The following NINL variants were observed in gnomAD, a reference collection of about 807,000 sequenced individuals.
NINL encodes ninein like.
A neutral mutation model predicts 160.3 loss-of-function variants in NINL; 153 were observed. The ratio of observed to expected loss-of-function variants is 0.95; its 90% CI spans 0.84 to 1.09. NINL has a LOEUF of 1.09. Among genes scored for constraint, NINL ranks in the 50% least tolerant of loss-of-function variants. The pLI is 0.00. For missense variants in NINL, 1,829 were observed against 1,764.0 expected, an observed-to-expected ratio of 1.04 and a Z score of -0.66; for synonymous variants, 800 against 734.8, an observed-to-expected ratio of 1.09 and a Z score of -1.43.
chr20:25,474,058 G>A lies in NINL; in HGVS notation c.3248+1985C>T, dbSNP rs189376881. Among the ~76,000 whole-genome samples, 220 of 152,316 alleles carry A rather than the reference G, an allele frequency of 1.4e-3. 2 individuals are homozygous for A. The highest frequency in any genetic ancestry group is 2.2e-3 in the Non-Finnish European group (148 of 68,026). On this transcript the variant is annotated intron_variant, in intron 17 of 23. Transcript: ENST00000278886. ...ACAGCAGGGGGAATGAAGGCTGCTC[G>A]TTCTCTGACTGTAGATTATTCTGGA...
intron 6 of NINL, 145 bp from the exon 7 acceptor site, chr20:25,504,249 G>A: frequency 1.2e-6 from 1 of 806,112 alleles, no homozygotes; most frequent in South Asian, 2.0e-5. Flanking sequence ...AAACTGTGTA[G>A]ACCATGCGGG....
intron 18 of NINL, among the ~76,000 whole-genome samples, chr20:25,467,783 G>T (rs2062955682): frequency 6.6e-6 from 1 of 152,160 alleles, no homozygotes; most frequent in Admixed American, 6.5e-5. Flanking sequence ...TCAAATACAT[G>T]AATATTTCTT....
At chr20:25,517,297 G>A (rs929755344) in intron 3 of NINL, among the ~76,000 whole-genome samples, 2 of 151,926 alleles carry the variant, frequency 1.3e-5, no homozygotes, top group African/African-American at 4.8e-5. Flanking sequence ...CCTGACACGG[G>A]GCCATCTGCA....
rs1383772760 is a variant in NINL at position 25,512,857 on chromosome 20, A to G, written c.427T>C (p.Ser143Pro). The change falls in exon 4 of 24, where the codon TCA becomes CCA. Residue 143 changes from serine to proline, a missense_variant. By Grantham distance (74) the Ser-to-Pro change is moderately conservative. Transcript: ENST00000278886. ...ACCTCCACGCTCTCCAGAGACGCTG[A>G]GCGCCAGAGGTGACTTTTCAGGCTG... Reference protein sequence around the residue: ...QASLKSHLWRSASLESVESPK... With the variant: ...QASLKSHLWRPASLESVESPK... 5 of 1,613,744 alleles carry G rather than the reference A, an allele frequency of 3.1e-6. No individual in the cohort carries two copies. The highest frequency in any genetic ancestry group is 4.2e-6 in the Non-Finnish European group (5 of 1,179,792).
chr20:25,477,557 C>A (rs991636941), intron 16 of NINL, among the ~76,000 whole-genome samples: 1 of 152,218 alleles, frequency 6.6e-6, no homozygotes, highest in African/African-American at 2.4e-5. Context: ...TCTGGTGGCC[C>A]GCAGGAGAGT....
intron 2 of NINL, among the ~76,000 whole-genome samples, chr20:25,520,467 T>C (rs889455945): frequency 2.0e-5 from 3 of 152,212 alleles, no homozygotes; most frequent in Non-Finnish European, 2.9e-5. Context: ...TATTACTATC[T>C]GACATTAAAT....
intron 11 of NINL, 110 bp downstream of exon 11, chr20:25,491,241 G>A: frequency 3.1e-5 from 42 of 1,337,906 alleles, no homozygotes; most frequent in Non-Finnish European, 4.3e-5. Context: ...TGAAACATAA[G>A]CTTGAGGGCA....
At chr20:25,480,335 A>C (rs2063361590) in intron 14 of NINL, 68 bp from the exon 15 acceptor site, 1 of 1,248,820 alleles carries the variant, frequency 8.0e-7, no homozygotes, top group Admixed American at 1.8e-5. Context: ...CAAACCTTCC[A>C]ATCTGATATT....
At chr20:25,529,540 G>A (rs1188722090) in intron 1 of NINL, among the ~76,000 whole-genome samples, 1 of 152,204 alleles carries the variant, frequency 6.6e-6, no homozygotes, top group Non-Finnish European at 1.5e-5. Context: ...ACAGGGCGAA[G>A]ACGAGTGAAC....
chr20:25,491,337 G>A lies in NINL; in HGVS notation c.1485+14C>T, dbSNP rs2063628493. 6 of 1,596,992 alleles carry A rather than the reference G, an allele frequency of 3.8e-6. No homozygotes were observed. The highest frequency in any genetic ancestry group is 4.5e-5 in the East Asian group (2 of 44,546). On this transcript the variant is annotated intron_variant, in intron 11 of 23. Coordinates refer to ENST00000278886, the MANE Select transcript of NINL (RefSeq NM_025176.6). ...ACCCCCCCAGCTTCCTGGATGCCCT[G>A]GGGATGCCCCTACCTTCAGGGCCAG...
intron 6 of NINL, among the ~76,000 whole-genome samples, chr20:25,504,663 G>A (rs912159980): frequency 5.3e-5 from 8 of 152,256 alleles, no homozygotes; most frequent in African/African-American, 1.7e-4. Flanking sequence ...ACACCTGAGC[G>A]TGGCAGGGAG....
intron 1 of NINL, among the ~76,000 whole-genome samples, chr20:25,578,709 C>A (rs542181964): frequency 2.7e-5 from 4 of 146,768 alleles, no homozygotes; most frequent in African/African-American, 1.0e-4. Context: ...AGGAGAATGG[C>A]GTGAACCTGG....
intron 15 of NINL, among the ~76,000 whole-genome samples, chr20:25,479,886 C>A (rs189567516): frequency 7.2e-5 from 11 of 152,330 alleles, no homozygotes; most frequent in Admixed American, 7.2e-4. Flanking sequence ...CTGGCCACGG[C>A]GCTGCGCTGC....
chr20:25,484,097 C>T (rs979993716), intron 13 of NINL, among the ~76,000 whole-genome samples: 1 of 152,228 alleles, frequency 6.6e-6, no homozygotes, highest in South Asian at 2.1e-4. Flanking sequence ...AGGGAGGCCC[C>T]AGCCCACACG....
rs377578924 is a variant in NINL at position 25,493,858 on chromosome 20, G to A, written c.1311-2333C>T. 1.1e-4 allele frequency among the ~76,000 whole-genome samples: 16 copies of A among 152,220 alleles called. No individual in the cohort carries two copies. In the South Asian group the frequency reaches 1.2e-3, roughly 12 times the overall value. ...CCCAGCACCTCCATGTGGAGGGCAA[G>A]GGCCCCAGCCACTGCCTGCACCTGT... On this transcript the variant is annotated intron_variant, in intron 10 of 23. Transcript: ENST00000278886.
At chr20:25,493,386 T>A (rs1162896227) in intron 10 of NINL, among the ~76,000 whole-genome samples, 2 of 151,970 alleles carry the variant, frequency 1.3e-5, no homozygotes, top group East Asian at 3.9e-4. Context: ...GATAGGTGGA[T>A]CCCGATACTC....
Position 25,517,740 on chromosome 20 carries a change from G to A in NINL, c.277+13C>T, listed in dbSNP as rs377353543. 244 of 1,553,388 alleles carry A rather than the reference G, an allele frequency of 1.6e-4. No individual in the cohort carries two copies. Among genetic ancestry groups the A allele is most frequent in the Admixed American group, 2.8e-4 (14 of 49,664 alleles). ...CAAATAATGAAAAGAAAACACAGAGGAAATCCTCTTACCTGATTCCAAAGA... is the reference window on the plus strand; with the variant it reads ...CAAATAATGAAAAGAAAACACAGAGAAAATCCTCTTACCTGATTCCAAAGA... On this transcript the variant is annotated intron_variant, in intron 3 of 23. Transcript: ENST00000278886.
chr20:25,465,293 A>G (rs996911011), intron 19 of NINL, among the ~76,000 whole-genome samples: 4 of 152,112 alleles, frequency 2.6e-5, no homozygotes, highest in African/African-American at 9.7e-5. Context: ...CAAAACACCA[A>G]AGGGACCATG....
rs547515535 is a variant in NINL, at chr20:25,571,141, C to T, written c.-12+14314G>A. Among the ~76,000 whole-genome samples the T allele has an allele frequency of 1.1e-4, 17 of 152,262 alleles. No homozygotes were observed. The East Asian group carries it at 2.9e-3, about 26-fold the overall frequency. The stretch of plus-strand genomic sequence containing the variant: ...TGGGTGAGGATGCCACAGCTTGCTA[C>T]GACTATGATGTCTTTACTCCTGTAA... On this transcript the variant is annotated intron_variant, in intron 1 of 23. Transcript: ENST00000278886.
Sources: gnomAD v4.1 joint callset for allele counts (sites outside exome capture counted in the v4.1 genomes callset) on GRCh38, gnomAD v4.1.1 for gene constraint, MANE v1.5 for transcripts, NCBI Gene and HGNC (gene_info 2026-07-23, HGNC 2026-07-21) for gene names.